The following TSPAN4 variants were observed in gnomAD, a reference collection of about 807,000 sequenced individuals.
TSPAN4 encodes tetraspanin 4, also known as tetraspanin-4.
Under a neutral mutation model 31.5 loss-of-function variants are expected in TSPAN4, and 38 were observed. The observed-to-expected ratio is 1.21, with a 90% CI of 0.93 to 1.58. TSPAN4 has a LOEUF of 1.58. Among genes scored for constraint, TSPAN4 ranks in the 40% most tolerant of loss-of-function variants. TSPAN4 has a pLI of 0.00. For synonymous variants in TSPAN4, 186 were observed against 144.6 expected (o/e 1.29, Z -2.06); for missense variants, 330 against 317.3 (o/e 1.04, Z -0.30).
intron 3 of TSPAN4, 24 bp from the exon 4 acceptor site, chr11:862,526 G>A (rs552154701): frequency 1.6e-5 from 26 of 1,585,096 alleles, no homozygotes; most frequent in African/African-American, 2.7e-5. Flanking sequence ...CCCTGTCTGT[G>A]TCTCTCCTGT....
In TSPAN4 at chr11:865,929, G is replaced by C; in HGVS notation, c.576G>C (p.Glu192Asp). 6.2e-7 allele frequency: 1 copy of C among 1,613,152 alleles called. No homozygotes were observed. Among genetic ancestry groups the C allele is most frequent in the Non-Finnish European group, 8.5e-7 (1 of 1,179,994 alleles). ...PGTWWKAPCYETVKVWLQENL... is the reference protein window; with the variant it reads ...PGTWWKAPCYDTVKVWLQENL... Reference sequence around the variant, plus strand: ...ATCCCTCCCTGCAGCCGTGCTACGAGACGGTGAAGGTGTGGCTTCAGGAGA... The same window carrying C: ...ATCCCTCCCTGCAGCCGTGCTACGACACGGTGAAGGTGTGGCTTCAGGAGA... The change falls in exon 8 of 9, where the codon GAG (glutamate) becomes GAC (aspartate). Residue 192 changes from glutamate to aspartate, a missense_variant. Physicochemically the swap from Glu to Asp is conservative, Grantham distance 45. Transcript: ENST00000397397.
intron 3 of TSPAN4, among the ~76,000 whole-genome samples, chr11:850,727 C>T (rs1450503071): frequency 6.6e-6 from 1 of 152,204 alleles, no homozygotes; most frequent in East Asian, 1.9e-4. Context: ...GAGTCCGGGT[C>T]GTGGCCAGTT....
intron 4 of TSPAN4, chr11:864,091 T>C: frequency 2.7e-6 from 1 of 367,756 alleles, no homozygotes; most frequent in Non-Finnish European, 5.1e-6. Flanking sequence ...TGGATGGAGG[T>C]GTCCTGAAGG....
At chr11:845,241 G>A (rs764952604) in intron 1 of TSPAN4, among the ~76,000 whole-genome samples, 5 of 152,158 alleles carry the variant, frequency 3.3e-5, no homozygotes, top group Non-Finnish European at 7.4e-5. Context: ...GGATGGGGTG[G>A]GTGCACACGG....
intron 3 of TSPAN4, among the ~76,000 whole-genome samples, chr11:852,622 A>C (rs1227166793): frequency 1.3e-5 from 2 of 152,194 alleles, no homozygotes. Context: ...GCCCTGAGTC[A>C]CTGTGAGCTA....
At chr11:856,850 T>C (rs935743549) in intron 3 of TSPAN4, 1 of 152,260 alleles carries the variant, frequency 6.6e-6, no homozygotes, top group Non-Finnish European at 1.5e-5. Context: ...TGCCAAAATG[T>C]TTTAAAAGCT....
chr11:854,966 C>T (rs557289661), intron 3 of TSPAN4, among the ~76,000 whole-genome samples: 2 of 152,350 alleles, frequency 1.3e-5, no homozygotes, highest in African/African-American at 2.4e-5. Flanking sequence ...AAGGCCCTGA[C>T]GCTGGCAACC....
intron 3 of TSPAN4, among the ~76,000 whole-genome samples, chr11:851,897 C>T (rs1847768430): frequency 6.6e-6 from 1 of 152,078 alleles, no homozygotes; most frequent in Admixed American, 6.5e-5. Context: ...GCCTGGACAC[C>T]TGCCTTCAGG....
At chr11:865,890 G>C in intron 7 of TSPAN4, 28 bp from the exon 8 acceptor site, 1 of 1,612,964 alleles carries the variant, frequency 6.2e-7, no homozygotes, top group Non-Finnish European at 8.5e-7. Flanking sequence ...AGGCCCTGCC[G>C]TGACACGCAT....
intron 3 of TSPAN4, among the ~76,000 whole-genome samples, chr11:854,639 C>T (rs779002067): frequency 1.3e-5 from 2 of 152,224 alleles, no homozygotes; most frequent in Non-Finnish European, 2.9e-5. Context: ...GTGGGGGCCC[C>T]TCAGCCTCAC....
chr11:856,494 G>A (rs992541071), intron 3 of TSPAN4, among the ~76,000 whole-genome samples: 2 of 152,236 alleles, frequency 1.3e-5, no homozygotes, highest in Non-Finnish European at 2.9e-5. Flanking sequence ...CATTCCTAGG[G>A]TTCCTCTCCC....
intron 8 of TSPAN4, 104 bp downstream of exon 8, chr11:866,105 G>C: frequency 1.6e-6 from 2 of 1,258,520 alleles, no homozygotes; most frequent in Non-Finnish European, 2.2e-6. Context: ...CCCACGATCG[G>C]GGGAGGCCGG....
chr11:862,785 G>A (rs758186596), intron 4 of TSPAN4, 44 bp downstream of exon 4: 41 of 1,548,070 alleles, frequency 2.6e-5, no homozygotes, highest in Non-Finnish European at 3.6e-5. Flanking sequence ...GGACCACGCA[G>A]GGTGGGGCTC....
At position 850,317 on chromosome 11, in the gene TSPAN4, T is replaced by A. The variant is rs1847600462; in HGVS notation, c.13T>A (p.Cys5Ser). Residue 5 changes from cysteine (C) to serine (S), a missense_variant, in exon 3 of 9, where the codon TGC (cysteine) becomes AGC (serine). Physicochemically the swap from Cys to Ser is moderately radical, Grantham distance 112 (BLOSUM62 -1). Transcript: ENST00000397397. ...GAAGCGCTGCGGCATGGCGCGCGCC[T>A]GCCTCCAGGCCGTCAAGTACCTCAT... Reference protein sequence around the residue: MARACLQAVKYLMFA... With the variant: MARASLQAVKYLMFA... The A allele has an allele frequency of 6.2e-7, 1 of 1,608,380 alleles. No individual in the cohort carries two copies. The highest frequency in any genetic ancestry group is 1.3e-5 in the African/African-American group (1 of 74,838).
intron 3 of TSPAN4, 66 bp downstream of exon 3, chr11:850,433 G>C (rs1352667375): frequency 9.8e-6 from 14 of 1,427,958 alleles, no homozygotes; most frequent in Non-Finnish European, 6.7e-6. Flanking sequence ...CGGGTCGCGG[G>C]GTCTGGGGAG....
intron 3 of TSPAN4, among the ~76,000 whole-genome samples, chr11:859,170 CA>C (rs1395130946): frequency 5.9e-5 from 8 of 135,130 alleles, no homozygotes; most frequent in Non-Finnish European, 6.4e-5. Flanking sequence ...ACACGCACCC[CA>C]GGTCACACGC....
Position 848,185 on chromosome 11 carries a change from G to A in TSPAN4, c.-18+885G>A, listed in dbSNP as rs1399495323. On this transcript the variant is annotated intron_variant, in intron 2 of 8. Coordinates refer to ENST00000397397, the MANE Select transcript of TSPAN4 (RefSeq NM_003271.5). This position sits in a 1 kb window ranked among gnomAD's most constrained non-coding sequence, Gnocchi z 5.7. ...CCATCTGCTCTCTGGGCAGAGCTGCGGGTGAGGGTTTCTGTCAGGGTTGGG... is the reference window on the plus strand; with the variant it reads ...CCATCTGCTCTCTGGGCAGAGCTGCAGGTGAGGGTTTCTGTCAGGGTTGGG... Among the ~76,000 whole-genome samples, 1 of 152,198 alleles carries A rather than the reference G, an allele frequency of 6.6e-6. No individual in the cohort carries two copies. Among genetic ancestry groups the A allele is most frequent in the African/African-American group, 2.4e-5 (1 of 41,450 alleles).
chr11:855,619 GCTC>G (rs1848001493), intron 3 of TSPAN4, among the ~76,000 whole-genome samples: 1 of 152,204 alleles, frequency 6.6e-6, no homozygotes, highest in African/African-American at 2.4e-5. Flanking sequence ...CCCTTGGAGA[GCTC>G]CTAGGGTCAG....
At chr11:866,466 T>TCAGGGC (rs1313957907) in intron 8 of TSPAN4, 96 bp from the exon 9 acceptor site, 4 of 1,179,938 alleles carry the variant, frequency 3.4e-6, no homozygotes, top group Non-Finnish European at 4.7e-6. Context: ...GGGGTCGGGG[T>TCAGGGC]CAGGGCCAGG....
Sources: gnomAD v4.1 joint callset for allele counts (sites outside exome capture counted in the v4.1 genomes callset) on GRCh38, gnomAD v4.1.1 for gene constraint, Gnocchi (gnomAD v3.1) non-coding constraint, MANE v1.5 for transcripts, NCBI Gene and HGNC (gene_info 2026-07-23, HGNC 2026-07-21) for gene names.